The following EPHA6 variants were observed in gnomAD, a reference collection of about 807,000 sequenced individuals.
EPHA6 encodes ephrin type-A receptor 6.
Under a neutral mutation model 112.0 loss-of-function variants are expected in EPHA6, and 50 were observed. The ratio of observed to expected loss-of-function variants is 0.45; its 90% CI spans 0.36 to 0.56. The LOEUF is 0.56. Ranked by LOEUF, EPHA6 falls within the 20% of genes least tolerant of loss-of-function variation. The pLI, the probability that EPHA6 is intolerant of heterozygous loss-of-function variation, is 0.00. For missense variants in EPHA6, 1,280 were observed against 1,417.4 expected (o/e 0.90, Z 1.56); for synonymous variants, 529 against 490.7 (o/e 1.08, Z -1.03).
Position 97,261,683 on chromosome 3 carries a change from G to T in EPHA6, c.1606+17396G>T, listed in dbSNP as rs2079508792. 2.0e-5 allele frequency among the ~76,000 whole-genome samples: 3 copies of T among 152,070 alleles called. No homozygotes were observed. The South Asian group carries it at 6.2e-4, about 32-fold the overall frequency. On this transcript the variant is annotated intron_variant, in intron 5 of 17. Transcript: ENST00000389672. ...GTTTCAAGAAAGAACCTGTTCTTTG[G>T]AGTTGCAAATGAATTTAAAGAAAGA...
Position 96,981,327 on chromosome 3 carries a change from T to G in EPHA6, c.451-6003T>G, listed in dbSNP as rs2042765551. ...GATAATCATGTGGTTTTTGTCTTTG[T>G]TTCTGTTTATGTGCTGGATTTCATT... On this transcript the variant is annotated intron_variant, in intron 2 of 17. Transcript: ENST00000389672. 2.6e-5 allele frequency among the ~76,000 whole-genome samples: 4 copies of G among 152,198 alleles called. No individual in the cohort carries two copies. The South Asian group carries it at 6.2e-4, about 24-fold the overall frequency.
chr3:97,017,448 G>C (rs1451129553), intron 3 of EPHA6, among the ~76,000 whole-genome samples: 1 of 152,174 alleles, frequency 6.6e-6, no homozygotes, highest in Non-Finnish European at 1.5e-5. Flanking sequence ...GTCCATCCCG[G>C]CAGTCAAAAA....
At chr3:97,641,057 G>C (rs138037830) in intron 14 of EPHA6, among the ~76,000 whole-genome samples, 27 of 152,278 alleles carry the variant, frequency 1.8e-4, no homozygotes, top group African/African-American at 6.3e-4. Flanking sequence ...AATATTTCTA[G>C]ATTGAACAAC....
chr3:97,393,108 T>A (rs1191491775), intron 5 of EPHA6, among the ~76,000 whole-genome samples: 1 of 151,854 alleles, frequency 6.6e-6, no homozygotes, highest in African/African-American at 2.4e-5. Flanking sequence ...GCCAAATGAT[T>A]GATTTTTCTT....
chr3:97,079,307 A>G (rs2046641322), intron 3 of EPHA6, among the ~76,000 whole-genome samples: 1 of 152,174 alleles, frequency 6.6e-6, no homozygotes, highest in South Asian at 2.1e-4. Flanking sequence ...AGGGACATGG[A>G]TGGAGAGGGA....
chr3:97,747,144 A>G (rs1249444968), intron 16 of EPHA6, among the ~76,000 whole-genome samples: 2 of 152,046 alleles, frequency 1.3e-5, no homozygotes, highest in Middle Eastern at 3.4e-3. Context: ...CTCAACATCC[A>G]TCATAAAGAA....
Position 96,903,147 on chromosome 3 carries a change from C to T in EPHA6, c.450+36258C>T, listed in dbSNP as rs183933695. Among the ~76,000 whole-genome samples the T allele has an allele frequency of 1.9e-4, 29 of 152,226 alleles. No homozygotes were observed. In the East Asian group the frequency reaches 5.0e-3, roughly 26 times the overall value. ...AGCAAACTTCTAAAGAAAATGGATTCTGAGCCATCTGGGTATCTGCAGAAG... is the reference window on the plus strand; with the variant it reads ...AGCAAACTTCTAAAGAAAATGGATTTTGAGCCATCTGGGTATCTGCAGAAG... On this transcript the variant is annotated intron_variant, in intron 2 of 17. Transcript: ENST00000389672.
chr3:97,357,628 T>C (rs1424931943), intron 5 of EPHA6, among the ~76,000 whole-genome samples: 2 of 152,202 alleles, frequency 1.3e-5, no homozygotes. Flanking sequence ...TGAACAACAA[T>C]GGAGTTATGG....
chr3:97,669,809 A>G (rs2030613518), intron 14 of EPHA6, among the ~76,000 whole-genome samples: 1 of 152,206 alleles, frequency 6.6e-6, no homozygotes, highest in African/African-American at 2.4e-5. Flanking sequence ...TCTACTTTTC[A>G]GCACATTGTG....
intron 5 of EPHA6, among the ~76,000 whole-genome samples, chr3:97,321,764 G>T (rs999340282): frequency 3.3e-5 from 5 of 151,950 alleles, no homozygotes; most frequent in African/African-American, 1.2e-4. Context: ...TATAAAAATT[G>T]GAAGAAGAGT....
Position 97,482,469 on chromosome 3 carries a change from A to G in EPHA6, c.2075-1465A>G, listed in dbSNP as rs551399864. 2.6e-5 allele frequency among the ~76,000 whole-genome samples: 4 copies of G among 152,340 alleles called. No individual in the cohort carries two copies. The South Asian group carries it at 8.3e-4, about 32-fold the overall frequency. On this transcript the variant is annotated intron_variant, in intron 9 of 17. Transcript: ENST00000389672. ...TTTGAGAAGTCAAGGAAAGCATGAC[A>G]TGTTAAAATTAGTGTCAGGTCTGGG... is the stretch of plus-strand genomic sequence containing the variant.
intron 7 of EPHA6, among the ~76,000 whole-genome samples, chr3:97,469,889 G>A (rs1174325470): frequency 1.3e-5 from 2 of 151,706 alleles, no homozygotes; most frequent in African/African-American, 4.8e-5. Context: ...TGGGGCTGAA[G>A]CCTCACAGTA....
intron 2 of EPHA6, among the ~76,000 whole-genome samples, chr3:96,966,156 T>TA (rs918417984): frequency 2.0e-5 from 3 of 152,148 alleles, no homozygotes; most frequent in African/African-American, 7.2e-5. Context: ...ACTGAGTTTT[T>TA]AAAAAATGTT....
intron 10 of EPHA6, among the ~76,000 whole-genome samples, chr3:97,490,783 G>T (rs1383630954): frequency 6.6e-6 from 1 of 152,162 alleles, no homozygotes; most frequent in Non-Finnish European, 1.5e-5. Context: ...CAGTGTCAGT[G>T]GCTCAGGATT....
rs551936943 is a variant in EPHA6, at chr3:97,603,492, C to T, written c.2513-7301C>T. Among the ~76,000 whole-genome samples, 6 of 151,826 alleles carry T rather than the reference C, an allele frequency of 4.0e-5. No individual in the cohort carries two copies. The East Asian group carries it at 1.2e-3, about 29-fold the overall frequency. On this transcript the variant is annotated intron_variant, in intron 12 of 17. Coordinates refer to ENST00000389672, the MANE Select transcript of EPHA6 (RefSeq NM_001080448.3). ...TTTTCCAAGGGTATTTGGCTTACCA[C>T]TAAATTTTAAAAAGGAAATGAAATA...
At chr3:97,697,832 C>G (rs951374442) in intron 14 of EPHA6, among the ~76,000 whole-genome samples, 1 of 152,162 alleles carries the variant, frequency 6.6e-6, no homozygotes, top group Admixed American at 6.5e-5. Context: ...ACTGCTTCCA[C>G]CTAAAACTTC....
At chr3:97,516,834 A>G (rs1007476309) in intron 10 of EPHA6, among the ~76,000 whole-genome samples, 7 of 152,176 alleles carry the variant, frequency 4.6e-5, no homozygotes, top group Non-Finnish European at 7.4e-5. Context: ...ATGTTAACAT[A>G]TTGGAAAATT....
chr3:97,602,868 TG>T (rs1377115677), intron 12 of EPHA6, among the ~76,000 whole-genome samples: 3 of 152,044 alleles, frequency 2.0e-5, no homozygotes, highest in African/African-American at 7.2e-5. Context: ...AATTTAGTTT[TG>T]AACTTCGACA....
At chr3:97,399,639 G>A (rs2086875954) in intron 5 of EPHA6, among the ~76,000 whole-genome samples, 1 of 151,736 alleles carries the variant, frequency 6.6e-6, no homozygotes, top group African/African-American at 2.4e-5. Flanking sequence ...AATGGAGTGA[G>A]ATGATAGTTT....
Sources: gnomAD v4.1 joint callset for allele counts (sites outside exome capture counted in the v4.1 genomes callset) on GRCh38, gnomAD v4.1.1 for gene constraint, MANE v1.5 for transcripts, NCBI Gene and HGNC (gene_info 2026-07-23, HGNC 2026-07-21) for gene names.